ADGRV1: variants seen among roughly 807,000 people sequenced by gnomAD.
ADGRV1 encodes G-protein coupled receptor 98.
Under a neutral mutation model 596.2 loss-of-function variants are expected in ADGRV1, and 359 were observed. That is an observed-to-expected ratio of 0.60 (90% CI 0.55 to 0.66). ADGRV1 has a LOEUF of 0.66. ADGRV1 is among the 30% of genes least tolerant of loss of function. ADGRV1 has a pLI of 0.00. For missense variants in ADGRV1, 7,274 were observed against 7,575.6 expected, an observed-to-expected ratio of 0.96 and a Z score of 1.48; for synonymous variants, 2,681 against 2,679.2, an observed-to-expected ratio of 1.00 and a Z score of -0.02.
At chr5:90,966,617 T>C (rs1296753137) in intron 84 of ADGRV1, among the ~76,000 whole-genome samples, 1 of 151,494 alleles carries the variant, frequency 6.6e-6, no homozygotes, top group Non-Finnish European at 1.5e-5. Flanking sequence ...GCCATTGGTT[T>C]GGAAGAGATT....
At chr5:90,928,987 G>A (rs750656422) in intron 83 of ADGRV1, among the ~76,000 whole-genome samples, 25 of 148,802 alleles carry the variant, frequency 1.7e-4, no homozygotes, top group East Asian at 7.9e-4. Flanking sequence ...CAGTCTGCCC[G>A]TTCTCAGATC....
In ADGRV1 at chr5:90,574,586, G is replaced by A. The variant is rs115834659; in HGVS notation, c.22+15669G>A. 3.1e-3 allele frequency among the ~76,000 whole-genome samples: 479 copies of A among 152,104 alleles called. 5 individuals are homozygous for A. The highest frequency in any genetic ancestry group is 0.011 in the African/African-American group (468 of 41,508). On this transcript the variant is annotated intron_variant, in intron 1 of 89. Transcript: ENST00000405460. ...GATTTTCTAGATATAGAATCATATC[G>A]GGTTGACGCCAGCTTCATAGAGTGA...
At chr5:90,798,934 A>G (rs534081607) in intron 70 of ADGRV1, among the ~76,000 whole-genome samples, 1 of 152,306 alleles carries the variant, frequency 6.6e-6, no homozygotes, top group African/African-American at 2.4e-5. Flanking sequence ...TCTCAAAATA[A>G]TAAGAGCTAT....
Position 90,789,791 on chromosome 5 carries a change from A to G in ADGRV1, c.13983A>G (p.Glu4661=). The G allele has an allele frequency of 1.3e-6, 2 of 1,542,040 alleles. No individual in the cohort carries two copies. The highest frequency in any genetic ancestry group is 1.8e-6 in the Non-Finnish European group (2 of 1,140,758). ...CTTATTCAGAGCCTCTGGCTCTGGAAGGGCCCCTGCTCATTACCTTCTTTG... is the reference window on the plus strand; with the variant it reads ...CTTATTCAGAGCCTCTGGCTCTGGAGGGGCCCCTGCTCATTACCTTCTTTG... ...KKTYSEPLAL[E]GPLLITFFVR... Residue 4661 remains glutamate (E), a synonymous_variant, in exon 69 of 90, where the codon GAA becomes GAG. Transcript: ENST00000405460.
Position 91,006,539 on chromosome 5 carries a change from A to G in ADGRV1, c.18152+21017A>G, listed in dbSNP as rs145472048. Among the ~76,000 whole-genome samples the G allele has an allele frequency of 2.8e-3, 426 of 152,216 alleles. 7 individuals are homozygous for G. The highest frequency in any genetic ancestry group is 9.6e-3 in the African/African-American group (399 of 41,540). ...ACCTCTCTGCATGGTATCAATTAGT[A>G]AGATGTTCTATGGAGAAACCTGAAT... On this transcript the variant is annotated intron_variant, in intron 85 of 89. Transcript: ENST00000405460.
chr5:90,627,118 A>G lies in ADGRV1; in HGVS notation c.673-93A>G, dbSNP rs1220470569. 4.6e-6 allele frequency: 3 copies of G among 646,646 alleles called. No homozygotes were observed. In the African/African-American group the frequency reaches 5.5e-5, roughly 12 times the overall value. 40.1% of individuals were successfully genotyped at this position (646,646 alleles called of 1,614,324 possible). The stretch of plus-strand genomic sequence containing the variant: ...GTTAAAGAATTTTTATTTCTATGTA[A>G]TTGTATTGAAACATAATGACTTGTT... On this transcript the variant is annotated intron_variant, in intron 6 of 89. Coordinates refer to ENST00000405460, the MANE Select transcript of ADGRV1 (RefSeq NM_032119.4).
chr5:90,610,330 G>T (rs1049337312), intron 1 of ADGRV1, among the ~76,000 whole-genome samples: 1 of 151,886 alleles, frequency 6.6e-6, no homozygotes, highest in African/African-American at 2.4e-5. Flanking sequence ...ATAAAGCATC[G>T]TGGGAAACAG....
chr5:91,005,121 T>C (rs762641899), intron 85 of ADGRV1, among the ~76,000 whole-genome samples: 1 of 152,220 alleles, frequency 6.6e-6, no homozygotes, highest in Non-Finnish European at 1.5e-5. Context: ...TCTTAAACTT[T>C]ATAGCTTCTT....
intron 1 of ADGRV1, among the ~76,000 whole-genome samples, chr5:90,597,506 A>T (rs951927503): frequency 4.6e-5 from 7 of 152,198 alleles, no homozygotes; most frequent in African/African-American, 1.7e-4. Flanking sequence ...ACACTGGGGA[A>T]TATTGGTTGG....
At chr5:90,973,697 T>C (rs1486046524) in intron 84 of ADGRV1, among the ~76,000 whole-genome samples, 1 of 152,198 alleles carries the variant, frequency 6.6e-6, no homozygotes, top group Non-Finnish European at 1.5e-5. Context: ...TGATGGGATG[T>C]ATCTCAAAAT....
At chr5:90,593,078 C>T (rs1759734416) in intron 1 of ADGRV1, among the ~76,000 whole-genome samples, 1 of 152,104 alleles carries the variant, frequency 6.6e-6, no homozygotes, top group Non-Finnish European at 1.5e-5. Context: ...TACCATTTGA[C>T]CCAGCAATCC....
At chr5:91,056,059 C>T (rs1786816336) in intron 85 of ADGRV1, among the ~76,000 whole-genome samples, 2 of 152,066 alleles carry the variant, frequency 1.3e-5, no homozygotes, top group South Asian at 4.1e-4. Context: ...AAATGGTAGT[C>T]GGTTGGCGAG....
chr5:91,006,619 A>G (rs1782300674), intron 85 of ADGRV1, among the ~76,000 whole-genome samples: 1 of 152,186 alleles, frequency 6.6e-6, no homozygotes, highest in African/African-American at 2.4e-5. Context: ...CTATACTCAT[A>G]GATGTTCTCA....
intron 83 of ADGRV1, among the ~76,000 whole-genome samples, chr5:90,870,331 A>G (rs1400086401): frequency 2.0e-5 from 3 of 152,160 alleles, no homozygotes; most frequent in Admixed American, 6.5e-5. Flanking sequence ...AGACTAAGAG[A>G]TATTCAGTTA....
rs180827815 is a variant in ADGRV1, at chr5:90,721,276, G to A, written c.9748+217G>A. 1.4e-3 allele frequency among the ~76,000 whole-genome samples: 211 copies of A among 152,060 alleles called. 1 individual carries two copies. Among genetic ancestry groups the A allele is most frequent in the African/African-American group, 4.1e-3 (172 of 41,484 alleles). On this transcript the variant is annotated intron_variant, in intron 45 of 89. Coordinates refer to ENST00000405460, the MANE Select transcript of ADGRV1 (RefSeq NM_032119.4). ...TCCCAGCACTTTGGAAGGCCGAGGCGGGTGGATCACAAGGTCAGGAGATCG... is the reference window on the plus strand; with the variant it reads ...TCCCAGCACTTTGGAAGGCCGAGGCAGGTGGATCACAAGGTCAGGAGATCG...
At chr5:90,567,297 GT>G (rs1300048395) in intron 1 of ADGRV1, among the ~76,000 whole-genome samples, 3 of 151,826 alleles carry the variant, frequency 2.0e-5, no homozygotes, top group Admixed American at 2.0e-4. Flanking sequence ...TCTTTGTCTG[GT>G]TTTAGTATCA....
chr5:90,973,290 C>G (rs1779230933), intron 84 of ADGRV1, among the ~76,000 whole-genome samples: 2 of 152,198 alleles, frequency 1.3e-5, no homozygotes, highest in Admixed American at 1.3e-4. Flanking sequence ...GGAGCTGGTA[C>G]CATTCCTTCT....
In ADGRV1 at chr5:91,049,491, C is replaced by T. The variant is rs561723579; in HGVS notation, c.18153-22956C>T. On this transcript the variant is annotated intron_variant, in intron 85 of 89. Transcript: ENST00000405460. ...TGGTGATCTACTTGGAACAAGTTAG[C>T]CCATTTGGAATAAATGATTAAATAC... Among the ~76,000 whole-genome samples, 19 of 152,264 alleles carry T rather than the reference C, an allele frequency of 1.2e-4. No homozygotes were observed. In the South Asian group the frequency reaches 3.9e-3, roughly 32 times the overall value.
intron 45 of ADGRV1, among the ~76,000 whole-genome samples, chr5:90,722,132 A>G (rs1355716362): frequency 1.3e-5 from 2 of 152,262 alleles, no homozygotes; most frequent in East Asian, 1.9e-4. Flanking sequence ...TCACAGTGCC[A>G]TGTAAATAAT....
Sources: gnomAD v4.1 joint callset for allele counts (sites outside exome capture counted in the v4.1 genomes callset) on GRCh38, gnomAD v4.1.1 for gene constraint, MANE v1.5 for transcripts, NCBI Gene and HGNC (gene_info 2026-07-23, HGNC 2026-07-21) for gene names.